Variants in PIN4 observed in about 807,000 individuals in gnomAD.
The protein encoded by PIN4 is peptidylprolyl cis/trans isomerase, NIMA-interacting 4, also known as peptidyl-prolyl cis-trans isomerase NIMA-interacting 4.
Under a neutral mutation model 8.3 loss-of-function variants are expected in PIN4, and 3 were observed. The observed-to-expected ratio is 0.36, with a 90% CI of 0.16 to 0.93. The LOEUF is 0.93. Among genes scored for constraint, PIN4 ranks in the 40% least tolerant of loss-of-function variants. PIN4 has a pLI of 0.44. For missense variants in PIN4, 75 were observed against 100.6 expected (o/e 0.75, Z 1.09); for synonymous variants, 18 against 32.5 (o/e 0.55, Z 1.52).
At chrX:72,215,772 T>G (rs1426813122) in intron 3 of PIN4, among the ~76,000 whole-genome samples, 1 of 111,003 alleles carries the variant, frequency 9.0e-6, no homozygotes, top group African/African-American at 3.3e-5. Context: ...GTCTTTATCT[T>G]TCTGGACCTT....
intron 3 of PIN4, chrX:72,238,020 G>A (rs1185781851): frequency 9.0e-6 from 1 of 111,269 alleles, no homozygotes; most frequent in Non-Finnish European, 1.9e-5. Context: ...TGAAGGGAGG[G>A]GGAAATGGGG....
At chrX:72,213,990 T>G (rs1207740667) in intron 3 of PIN4, among the ~76,000 whole-genome samples, 4 of 112,594 alleles carry the variant, frequency 3.6e-5, no homozygotes, top group Admixed American at 2.8e-4. Context: ...TCCAGTCCCC[T>G]TGTCAAGATG....
intron 3 of PIN4, among the ~76,000 whole-genome samples, chrX:72,251,512 A>G (rs886833406): frequency 7.2e-5 from 8 of 111,392 alleles, no homozygotes; most frequent in Non-Finnish European, 7.5e-5. Flanking sequence ...CCCATAAACA[A>G]TATATGAAAG....
intron 3 of PIN4, chrX:72,205,212 C>T: frequency 8.3e-7 from 1 of 1,211,583 alleles, no homozygotes; most frequent in South Asian, 1.8e-5. Context: ...GAGAACCAAC[C>T]AACTGTTCAC....
rs139899552 is a variant in PIN4 at position 72,185,549 on chromosome X, C to G, written c.44-912C>G. 3.1e-3 allele frequency among the ~76,000 whole-genome samples: 353 copies of G among 112,341 alleles called. 1 individual carries two copies. The highest frequency in any genetic ancestry group is 0.011 in the African/African-American group (339 of 30,974). On this transcript the variant is annotated intron_variant, in intron 1 of 3. Coordinates refer to ENST00000373669, the MANE Select transcript of PIN4 (RefSeq NM_006223.4). Reference sequence around the variant, plus strand: ...GAAGGAAGGTACATGGCTTGTTCATCTTTGTACTCCCAGTGCCTGGAACTC... The same window carrying G: ...GAAGGAAGGTACATGGCTTGTTCATGTTTGTACTCCCAGTGCCTGGAACTC...
intron 3 of PIN4, among the ~76,000 whole-genome samples, chrX:72,212,269 C>CA (rs201108348): frequency 1.7e-3 from 177 of 105,931 alleles, no homozygotes; most frequent in African/African-American, 4.4e-3. Flanking sequence ...GACCCCATCT[C>CA]AAAAAAAATA....
At position 72,197,613 on chromosome X, in the gene PIN4, T is replaced by C. The variant is rs1409325654; in HGVS notation, c.*87T>C. 4.5e-6 allele frequency: 5 copies of C among 1,102,535 alleles called. No homozygotes were observed. Among genetic ancestry groups the C allele is most frequent in the Non-Finnish European group, 6.0e-6 (5 of 840,326 alleles). The allele number at this position is 1,102,535 out of a possible 1,213,427, so 90.9% of individuals were successfully genotyped here. ...CTTTTGAGCTGGAGCTGCAAGGAAA[T>C]ACAAAAATTTTTAAAAAGAAAAGAT... On this transcript the variant is annotated 3_prime_UTR_variant, in exon 4 of 4. Coordinates refer to ENST00000373669, the MANE Select transcript of PIN4 (RefSeq NM_006223.4).
intron 3 of PIN4, among the ~76,000 whole-genome samples, chrX:72,219,186 G>T (rs868776110): frequency 4.4e-4 from 49 of 110,842 alleles, no homozygotes; most frequent in African/African-American, 1.5e-3. Flanking sequence ...AACCCAGGAG[G>T]TGGAGGTTGC....
chrX:72,193,297 G>A lies in PIN4; in HGVS notation c.118-3488G>A, dbSNP rs1202887991. The stretch of plus-strand genomic sequence containing the variant: ...GTGAGTATGGAAGCAGAAACAAGGA[G>A]GCAATCTAGAAGCTGTCTCTTAAAA... On this transcript the variant is annotated intron_variant, in intron 2 of 3. Coordinates refer to ENST00000373669, the MANE Select transcript of PIN4 (RefSeq NM_006223.4). 5.4e-5 allele frequency among the ~76,000 whole-genome samples: 6 copies of A among 111,007 alleles called. No homozygotes were observed. The South Asian group carries it at 1.1e-3, about 21-fold the overall frequency.
intron 3 of PIN4, among the ~76,000 whole-genome samples, chrX:72,230,334 C>T (rs1353832959): frequency 5.4e-5 from 6 of 110,598 alleles, no homozygotes; most frequent in East Asian, 5.7e-4. Flanking sequence ...TGAGATAACC[C>T]GCCTTGGCTG....
chrX:72,237,884 AG>A (rs749158175), intron 3 of PIN4: 4 of 112,060 alleles, frequency 3.6e-5, no homozygotes, highest in Non-Finnish European at 5.6e-5. Context: ...TGAGCCCAGG[AG>A]TTCGAGGCTG....
intron 3 of PIN4, among the ~76,000 whole-genome samples, chrX:72,223,212 C>T (rs1482783319): frequency 2.8e-4 from 28 of 100,820 alleles, no homozygotes; most frequent in African/African-American, 9.3e-4. Flanking sequence ...TGGTGGCAGG[C>T]GCCTGTAATC....
intron 3 of PIN4, among the ~76,000 whole-genome samples, chrX:72,260,107 A>G (rs781705360): frequency 9.0e-6 from 1 of 110,844 alleles, no homozygotes; most frequent in Non-Finnish European, 1.9e-5. Context: ...ACTGCCACAC[A>G]TATAAGAGCC....
intron 1 of PIN4, chrX:72,186,115 C>T (rs892174970): frequency 7.4e-6 from 2 of 271,652 alleles, no homozygotes; most frequent in Non-Finnish European, 1.3e-5. Context: ...CAAGCTTGTC[C>T]AACCCACGGC....
intron 3 of PIN4, among the ~76,000 whole-genome samples, chrX:72,261,173 C>T (rs1250444091): frequency 1.8e-5 from 2 of 109,505 alleles, no homozygotes; most frequent in African/African-American, 6.7e-5. Context: ...CAGGCACCTG[C>T]AATCCCAGCT....
intron 3 of PIN4, among the ~76,000 whole-genome samples, chrX:72,212,658 C>T (rs1009219873): frequency 5.3e-5 from 6 of 112,384 alleles, no homozygotes; most frequent in Non-Finnish European, 1.1e-4. Context: ...TGTGAAGAGA[C>T]AGCTGGGAGC....
intron 3 of PIN4, chrX:72,206,569 T>A: frequency 8.3e-7 from 1 of 1,211,460 alleles, no homozygotes. Context: ...AAATACAGGT[T>A]CTCTTAGCCA....
chrX:72,250,001 T>C (rs1267831623), intron 3 of PIN4, among the ~76,000 whole-genome samples: 1 of 110,411 alleles, frequency 9.1e-6, no homozygotes, highest in Non-Finnish European at 1.9e-5. Context: ...CCTCAGGTGA[T>C]GCTAATGTGC....
At chrX:72,203,610 A>C (rs1413294044) in intron 3 of PIN4, among the ~76,000 whole-genome samples, 1 of 111,988 alleles carries the variant, frequency 8.9e-6, no homozygotes, top group Non-Finnish European at 1.9e-5. Flanking sequence ...TGGTGTCAGA[A>C]GTGTTTTGAG....
Sources: allele counts gnomAD v4.1 joint callset (sites outside exome capture counted in the v4.1 genomes callset), GRCh38; gene constraint gnomAD v4.1.1; transcripts MANE v1.5; gene names NCBI Gene and HGNC (gene_info 2026-07-23, HGNC 2026-07-21).